Variants in HMCN1 observed in about 807,000 individuals in gnomAD.
HMCN1 encodes the protein hemicentin-1.
In HMCN1, 321 loss-of-function variants were observed where a neutral mutation model predicts 625.9. The observed-to-expected ratio is 0.51, with a 90% CI of 0.47 to 0.56. The LOEUF (loss-of-function observed/expected upper bound fraction) is 0.56. Ranked by LOEUF, HMCN1 falls within the 20% of genes least tolerant of loss-of-function variation. HMCN1 has a pLI of 0.00. For missense variants in HMCN1, 6,588 were observed against 6,887.3 expected (o/e 0.96, Z 1.54); for synonymous variants, 2,425 against 2,417.6 (o/e 1.00, Z -0.09).
chr1:186,164,240 CTT>C (rs57317105), intron 97 of HMCN1, among the ~76,000 whole-genome samples: 23 of 131,460 alleles, frequency 1.7e-4, no homozygotes, highest in Admixed American at 3.7e-4. Flanking sequence ...TAACTTAAAT[CTT>C]TTTTTTTTTT....
At position 186,128,307 on chromosome 1, in the gene HMCN1, C is replaced by A. The variant is rs752181272; in HGVS notation, c.12904+16C>A. On this transcript the variant is annotated intron_variant, in intron 83 of 106. Coordinates refer to ENST00000271588, the MANE Select transcript of HMCN1 (RefSeq NM_031935.3). ...ATTATTCCAGGTTGGTCATTTAATT[C>A]TCAAGAAGTGAATAAATACACCTAT... is the stretch of plus-strand genomic sequence containing the variant. 6.3e-7 allele frequency: 1 copy of A among 1,594,850 alleles called. No homozygotes were observed. Among genetic ancestry groups the A allele is most frequent in the South Asian group, 1.1e-5 (1 of 90,662 alleles).
chr1:186,114,133 C>G lies in HMCN1; in HGVS notation c.11276+10C>G, dbSNP rs375539204. Reference sequence around the variant, plus strand: ...CTGGGAATCATGCAAGGTAACCATACTGGAAAATTAAAAAATGCTATAAGA... The same window carrying G: ...CTGGGAATCATGCAAGGTAACCATAGTGGAAAATTAAAAAATGCTATAAGA... On this transcript the variant is annotated intron_variant, in intron 73 of 106. Coordinates refer to ENST00000271588, the MANE Select transcript of HMCN1 (RefSeq NM_031935.3). 61 of 1,613,792 alleles carry G rather than the reference C, an allele frequency of 3.8e-5. 1 individual carries two copies. The highest frequency in any genetic ancestry group is 2.5e-4 in the Admixed American group (15 of 60,006).
At chr1:185,864,227 T>A (rs1189984011) in intron 2 of HMCN1, among the ~76,000 whole-genome samples, 1 of 152,192 alleles carries the variant, frequency 6.6e-6, no homozygotes, top group Non-Finnish European at 1.5e-5. Context: ...ACATTTAATT[T>A]TATAAATATA....
intron 57 of HMCN1, among the ~76,000 whole-genome samples, chr1:186,084,923 A>G (rs4651295): frequency 0.64 from 97,809 of 151,944 alleles, 33,677 homozygotes; most frequent in African/African-American, 0.91. Context: ...CATGCTCAAA[A>G]TTACACAGCT....
Position 186,145,737 on chromosome 1 carries a change from C to T in HMCN1, c.14438-16C>T. 2 of 1,614,102 alleles carry T rather than the reference C, an allele frequency of 1.2e-6. No individual in the cohort carries two copies. Among genetic ancestry groups the T allele is most frequent in the South Asian group, 1.1e-5 (1 of 91,076 alleles). ...AGCCAATTTCTTAACAGTGACCATT[C>T]CATTCTTGTTCACAGTGGATGGAAG... On this transcript the variant is annotated splice_polypyrimidine_tract_variant and intron_variant, in intron 92 of 106. Transcript: ENST00000271588.
At chr1:185,878,627 T>G (rs1053238188) in intron 4 of HMCN1, among the ~76,000 whole-genome samples, 3 of 152,202 alleles carry the variant, frequency 2.0e-5, no homozygotes, top group African/African-American at 7.2e-5. Context: ...GCTGGTAGAT[T>G]TGATTTGCTA....
chr1:186,001,761 A>G lies in HMCN1; in HGVS notation c.4348+20A>G. The G allele has an allele frequency of 6.3e-7, 1 of 1,597,882 alleles. No individual in the cohort carries two copies. Among genetic ancestry groups the G allele is most frequent in the Non-Finnish European group, 8.6e-7 (1 of 1,166,030 alleles). On this transcript the variant is annotated intron_variant, in intron 28 of 106. Transcript: ENST00000271588. ...TGCTAGGTAAGAAATACATCCTTTTAAAAAACTACAATTCAGAAGCATTTC... is the reference window on the plus strand; with the variant it reads ...TGCTAGGTAAGAAATACATCCTTTTGAAAAACTACAATTCAGAAGCATTTC...
At chr1:186,014,330 A>T (rs578115697) in intron 30 of HMCN1, among the ~76,000 whole-genome samples, 17 of 151,060 alleles carry the variant, frequency 1.1e-4, no homozygotes, top group African/African-American at 3.9e-4. Flanking sequence ...ATATATATAT[A>T]TATTTTATTA....
intron 11 of HMCN1, among the ~76,000 whole-genome samples, chr1:185,951,502 G>A (rs1394525116): frequency 3.3e-5 from 5 of 149,992 alleles, no homozygotes; most frequent in Non-Finnish European, 6.0e-5. Context: ...AGAGTTACCC[G>A]AAGCTCAGTG....
intron 68 of HMCN1, among the ~76,000 whole-genome samples, chr1:186,098,743 A>G (rs764999433): frequency 6.6e-6 from 1 of 152,150 alleles, no homozygotes; most frequent in Non-Finnish European, 1.5e-5. Flanking sequence ...TCACAGCACT[A>G]TTCCCAACAG....
At chr1:186,150,599 G>A (rs1472756609) in intron 93 of HMCN1, among the ~76,000 whole-genome samples, 2 of 152,034 alleles carry the variant, frequency 1.3e-5, no homozygotes, top group Admixed American at 6.6e-5. Context: ...GATAATCCAC[G>A]TTTACATTGG....
Position 186,070,626 on chromosome 1 carries a change from A to G in HMCN1, c.8008A>G (p.Asn2670Asp), listed in dbSNP as rs1658419906. 1 of 1,612,674 alleles carries G rather than the reference A, an allele frequency of 6.2e-7. No homozygotes were observed. Among genetic ancestry groups the G allele is most frequent in the African/African-American group, 1.3e-5 (1 of 74,908 alleles). The change falls in exon 52 of 107, where the codon AAT becomes GAT. Residue 2670 changes from asparagine to aspartate, a missense_variant. Around this residue, in one of 3 missense-constraint regions of HMCN1, gnomAD observed 4,628 missense variants for 4,853.1 expected, o/e 0.95. Transcript: ENST00000271588. Reference protein sequence around the residue: ...EVKVYIPPIINKGDLWGPGLS... With the variant: ...EVKVYIPPIIDKGDLWGPGLS... ...ATTTTATGCAGTTCCACCCATAATC[A>G]ATAAAGGGGACCTTTGGGGGCCAGG...
intron 15 of HMCN1, among the ~76,000 whole-genome samples, chr1:185,972,086 C>A (rs1650873238): frequency 6.6e-6 from 1 of 152,198 alleles, no homozygotes; most frequent in African/African-American, 2.4e-5. Context: ...CTGAGTACAA[C>A]ATTGTAATTC....
chr1:185,986,047 T>C (rs1397139475), intron 19 of HMCN1, among the ~76,000 whole-genome samples: 2 of 152,232 alleles, frequency 1.3e-5, no homozygotes, highest in Non-Finnish European at 2.9e-5. Flanking sequence ...GCTTATTCCA[T>C]GTTGCCACAA....
intron 1 of HMCN1, among the ~76,000 whole-genome samples, chr1:185,801,096 G>A (rs1304907733): frequency 6.6e-6 from 1 of 152,082 alleles, no homozygotes. Context: ...TACACAAGAG[G>A]TGCTTCATTT....
intron 101 of HMCN1, 30 bp downstream of exon 101, chr1:186,171,480 T>G (rs1467937688): frequency 6.9e-7 from 1 of 1,458,444 alleles, no homozygotes; most frequent in African/African-American, 1.4e-5. Flanking sequence ...TTTAAAGGAA[T>G]GACACCTCTA....
chr1:185,864,000 T>C (rs1028500740), intron 2 of HMCN1, among the ~76,000 whole-genome samples: 3 of 152,170 alleles, frequency 2.0e-5, no homozygotes, highest in Non-Finnish European at 4.4e-5. Flanking sequence ...CATGGGTCCA[T>C]AGCCATGAGT....
chr1:185,855,737 C>T (rs1434825287), intron 2 of HMCN1, among the ~76,000 whole-genome samples: 2 of 152,164 alleles, frequency 1.3e-5, no homozygotes, highest in African/African-American at 2.4e-5. Context: ...GAGTTAAATC[C>T]TTACCAGTGA....
intron 23 of HMCN1, among the ~76,000 whole-genome samples, chr1:185,993,750 CTAGT>C (rs997603685): frequency 4.6e-5 from 7 of 152,180 alleles, no homozygotes; most frequent in African/African-American, 9.6e-5. Context: ...CTACAGCTCC[CTAGT>C]TAGTTTGCTT....
Sources: allele counts gnomAD v4.1 joint callset (sites outside exome capture counted in the v4.1 genomes callset), GRCh38; gene constraint gnomAD v4.1.1; regional missense constraint gnomAD v4.1.1; transcripts MANE v1.5; gene names NCBI Gene and HGNC (gene_info 2026-07-23, HGNC 2026-07-21).